NPHS2: variants seen among roughly 807,000 people sequenced by gnomAD.
NPHS2 encodes the protein NPHS2 stomatin family member, podocin.
In NPHS2, 36 loss-of-function variants were observed where a neutral mutation model predicts 37.1. The observed-to-expected ratio is 0.97, with a 90% CI of 0.74 to 1.28. The LOEUF (loss-of-function observed/expected upper bound fraction) is 1.28, where lower values mean the gene tolerates loss of function less well. Ranked by LOEUF, NPHS2 falls within the 50% of genes most tolerant of loss-of-function variation. The pLI is 0.00. For synonymous variants in NPHS2, 196 were observed against 189.3 expected, an observed-to-expected ratio of 1.04 and a Z score of -0.29; for missense variants, 447 against 488.1, an observed-to-expected ratio of 0.92 and a Z score of 0.79.
intron 2 of NPHS2, among the ~76,000 whole-genome samples, chr1:179,564,093 T>C (rs1484874867): frequency 6.6e-6 from 1 of 152,222 alleles, no homozygotes; most frequent in Non-Finnish European, 1.5e-5. Context: ...CAATCCTTTC[T>C]TCCCCTTCTC....
Position 179,575,669 on chromosome 1 carries a change from C to T in NPHS2, c.196G>A (p.Asp66Asn), listed in dbSNP as rs758645314. ...EPRAPAATVV[D>N]VDEVRGSGEE... ...CCGGAGCCTCGGACCTCATCCACGT[C>T]CACCACCGTGGCGGCGGGCGCTCGG... The change falls in exon 1 of 8, where the codon GAC becomes AAC. Residue 66 changes from aspartate (D) to asparagine (N), a missense_variant. Transcript: ENST00000367615. 6.2e-7 allele frequency: 1 copy of T among 1,602,944 alleles called. No homozygotes were observed. Among genetic ancestry groups the T allele is most frequent in the Non-Finnish European group, 8.5e-7 (1 of 1,179,326 alleles).
At chr1:179,565,797 C>T (rs543167868) in intron 1 of NPHS2, among the ~76,000 whole-genome samples, 42 of 151,698 alleles carry the variant, frequency 2.8e-4, no homozygotes, top group African/African-American at 9.9e-4. Context: ...GTTCATTTCC[C>T]ATCTATGAGT....
At position 179,561,295 on chromosome 1, in the gene NPHS2, C is replaced by T. The variant is rs764765766; in HGVS notation, c.445G>A (p.Gly149Ser). Residue 149 changes from glycine to serine, a missense_variant, in exon 3 of 8, where the codon GGC becomes AGC. By Grantham distance (56) the Gly-to-Ser change is moderately conservative. Transcript: ENST00000367615. The stretch of plus-strand genomic sequence containing the variant: ...AAAAAGAGTGTTTTTTTACCAGGGC[C>T]TTTGGCTCTTCCAGGAAGCAGATGT... ...LGHLLPGRAK[G>S]PGLFFFLPCL... is the part of the protein sequence containing the mutation. The T allele has an allele frequency of 6.2e-7, 1 of 1,612,706 alleles. No individual in the cohort carries two copies.
intron 4 of NPHS2, among the ~76,000 whole-genome samples, chr1:179,557,623 A>C (rs1441236822): frequency 2.0e-5 from 3 of 152,310 alleles, no homozygotes; most frequent in Non-Finnish European, 4.4e-5. Flanking sequence ...GATGATATAC[A>C]TCATAAGCCC....
chr1:179,572,133 C>CA (rs1337771553), intron 1 of NPHS2, among the ~76,000 whole-genome samples: 1 of 152,224 alleles, frequency 6.6e-6, no homozygotes, highest in Non-Finnish European at 1.5e-5. Context: ...ATGCAGAAAT[C>CA]ACCTGTCTTC....
chr1:179,550,985 G>A lies in NPHS2; in HGVS notation c.*188C>T. ...ACTAGATGAGTCACGGAAACATGTT[G>A]TCTGCCTTCTCTGTCATTACATCAT... On this transcript the variant is annotated 3_prime_UTR_variant, in exon 8 of 8. Coordinates refer to ENST00000367615, the MANE Select transcript of NPHS2 (RefSeq NM_014625.4). 1 of 683,702 alleles carries A rather than the reference G, an allele frequency of 1.5e-6. No homozygotes were observed. The highest frequency in any genetic ancestry group is 2.7e-5 in the East Asian group (1 of 36,494). The allele number at this position is 683,702 out of a possible 1,614,324, so 42.4% of individuals were successfully genotyped here.
chr1:179,551,549 C>T (rs1341162719), intron 7 of NPHS2, 98 bp from the exon 8 acceptor site: 3 of 1,407,390 alleles, frequency 2.1e-6, no homozygotes, highest in Non-Finnish European at 3.0e-6. Flanking sequence ...TGAGCATCTA[C>T]TATGTGGCAA....
At chr1:179,570,196 C>T (rs756264503) in intron 1 of NPHS2, among the ~76,000 whole-genome samples, 1 of 152,072 alleles carries the variant, frequency 6.6e-6, no homozygotes, top group Non-Finnish European at 1.5e-5. Context: ...CCAAGACCAG[C>T]TCGGTCAGGG....
chr1:179,572,504 G>A (rs1422119811), intron 1 of NPHS2, among the ~76,000 whole-genome samples: 2 of 152,188 alleles, frequency 1.3e-5, no homozygotes, highest in African/African-American at 4.8e-5. Context: ...CTTATTTACA[G>A]TATGCCCCCA....
chr1:179,551,033 T>G lies in NPHS2; in HGVS notation c.*140A>C, dbSNP rs1572252528. 2.1e-6 allele frequency: 2 copies of G among 951,810 alleles called. No homozygotes were observed. The allele number at this position is 951,810 out of a possible 1,614,324, so 59.0% of individuals were successfully genotyped here. A position where few individuals can be genotyped will look rare whatever the true frequency, so the allele number is the denominator to read the frequency against. ...CATTTCACCGTCTTCTCATGGATGG[T>G]GCATTGTGACTTCGTGCATTCCATG... is the stretch of plus-strand genomic sequence containing the variant. On this transcript the variant is annotated 3_prime_UTR_variant, in exon 8 of 8. Coordinates refer to ENST00000367615, the MANE Select transcript of NPHS2 (RefSeq NM_014625.4).
rs1268050717 is a variant in NPHS2, at chr1:179,562,704, C to T, written c.379-1343G>A. ...CATGAGGTTTACAATTTTATGAGGC[C>T]AGAACACTGCCTTGCTTGAAACAAT... On this transcript the variant is annotated intron_variant, in intron 2 of 7. Transcript: ENST00000367615. 2.0e-5 allele frequency among the ~76,000 whole-genome samples: 3 copies of T among 152,144 alleles called. 1 individual carries two copies. The highest frequency in any genetic ancestry group is 7.2e-5 in the African/African-American group (3 of 41,422).
At chr1:179,561,571 C>A (rs1674139249) in intron 2 of NPHS2, among the ~76,000 whole-genome samples, 2 of 152,002 alleles carry the variant, frequency 1.3e-5, no homozygotes, top group Non-Finnish European at 2.9e-5. Flanking sequence ...ATTTTTGAAC[C>A]CATAGACAGA....
chr1:179,574,399 A>C (rs1674677275), intron 1 of NPHS2, among the ~76,000 whole-genome samples: 1 of 152,268 alleles, frequency 6.6e-6, no homozygotes, highest in Admixed American at 6.5e-5. Flanking sequence ...TCAGTAAAAC[A>C]CCCAGTGTGT....
Position 179,554,460 on chromosome 1 carries a change from T to G in NPHS2, c.794+16A>C. On this transcript the variant is annotated intron_variant, in intron 6 of 7. Transcript: ENST00000367615. ...TCCTTTATCATACAGTTCTTGCTAGTTAATTTCCTACCCACATTTCTATTC... is the reference window on the plus strand; with the variant it reads ...TCCTTTATCATACAGTTCTTGCTAGGTAATTTCCTACCCACATTTCTATTC... 1 of 1,614,104 alleles carries G rather than the reference T, an allele frequency of 6.2e-7. No homozygotes were observed. The highest frequency in any genetic ancestry group is 2.2e-5 in the East Asian group (1 of 44,878).
intron 1 of NPHS2, 87 bp from the exon 2 acceptor site, chr1:179,564,880 G>A (rs985412709): frequency 1.4e-5 from 15 of 1,081,218 alleles, no homozygotes; most frequent in African/African-American, 1.3e-4. Flanking sequence ...TCTTGGTATT[G>A]GAGTTGGCAC....
chr1:179,564,374 G>C (rs1674256407), intron 2 of NPHS2, among the ~76,000 whole-genome samples: 1 of 152,178 alleles, frequency 6.6e-6, no homozygotes, highest in African/African-American at 2.4e-5. Context: ...TGGATGTCAT[G>C]ATCCATTCTG....
rs1347576607 is a variant in NPHS2 at position 179,575,821 on chromosome 1, C to A, written c.44G>T (p.Arg15Leu). The A allele has an allele frequency of 1.4e-6, 2 of 1,458,684 alleles. No individual in the cohort carries two copies. The highest frequency in any genetic ancestry group is 2.8e-5 in the Admixed American group (1 of 35,334). The allele number at this position is 1,458,684 out of a possible 1,614,324, so 90.4% of individuals were successfully genotyped here. The change falls in exon 1 of 8, where the codon CGA becomes CTA. Residue 15 changes from arginine to leucine, a missense_variant. Physicochemically the swap from Arg to Leu is moderately radical, Grantham distance 102. Transcript: ENST00000367615. ...ARSSSRESRGRGGRTPHKENK... is the reference protein window; with the variant it reads ...ARSSSRESRGLGGRTPHKENK... ...CTCCTTGTGCGGAGTCCTGCCGCCT[C>A]GCCCGCGGGACTCCCTGGAGGAGCT... is the stretch of plus-strand genomic sequence containing the variant.
chr1:179,559,428 G>C (rs1380515649), intron 4 of NPHS2, among the ~76,000 whole-genome samples: 1 of 152,138 alleles, frequency 6.6e-6, no homozygotes, highest in African/African-American at 2.4e-5. Flanking sequence ...TTGTTGTTGA[G>C]ATGTATGAGT....
chr1:179,563,364 A>G (rs1162842039), intron 2 of NPHS2, among the ~76,000 whole-genome samples: 1 of 152,246 alleles, frequency 6.6e-6, no homozygotes, highest in Non-Finnish European at 1.5e-5. Context: ...GAAATAGACA[A>G]TTCAGTAGTG....
Sources: allele counts gnomAD v4.1 joint callset (sites outside exome capture counted in the v4.1 genomes callset), GRCh38; gene constraint gnomAD v4.1.1; transcripts MANE v1.5; gene names NCBI Gene and HGNC (gene_info 2026-07-23, HGNC 2026-07-21).